Variants in USP28 observed in about 807,000 individuals in gnomAD.
USP28 encodes the protein ubiquitin carboxyl-terminal hydrolase 28.
Under a neutral mutation model 145.0 loss-of-function variants are expected in USP28, and 113 were observed. The ratio of observed to expected loss-of-function variants is 0.78; its 90% CI spans 0.67 to 0.91. The LOEUF is 0.91. USP28 is among the 40% of genes least tolerant of loss of function. The probability of loss-of-function intolerance (pLI) is 0.00; values close to 1 mark genes in which losing one functional copy is unlikely to be tolerated. For synonymous variants in USP28, 447 were observed against 450.9 expected (o/e 0.99, Z 0.11); for missense variants, 1,201 against 1,289.6 (o/e 0.93, Z 1.05).
chr11:113,855,186 T>C (rs1946915080), intron 1 of USP28, among the ~76,000 whole-genome samples: 1 of 152,228 alleles, frequency 6.6e-6, no homozygotes, highest in Non-Finnish European at 1.5e-5. Context: ...GTATGAAATG[T>C]TTTCTCTTCA....
At chr11:113,861,481 C>T (rs1181797378) in intron 1 of USP28, among the ~76,000 whole-genome samples, 1 of 152,028 alleles carries the variant, frequency 6.6e-6, no homozygotes, top group African/African-American at 2.4e-5. Flanking sequence ...TAAAATTTAG[C>T]CACTATTATA....
chr11:113,816,221 A>C (rs944325490), intron 13 of USP28, among the ~76,000 whole-genome samples: 3 of 152,176 alleles, frequency 2.0e-5, no homozygotes, highest in Non-Finnish European at 4.4e-5. Context: ...GACTTAAAAA[A>C]AAACTCTCAC....
chr11:113,809,253 C>T (rs766497853), exon 17 of USP28: 2 of 1,612,544 alleles, frequency 1.2e-6, no homozygotes, highest in South Asian at 2.2e-5. Context: ...TTGGGGCTGC[C>T]TCTGAGGAAA....
intron 16 of USP28, among the ~76,000 whole-genome samples, chr11:113,811,730 G>A (rs12286592): frequency 0.047 from 7,065 of 151,482 alleles, 506 homozygotes; most frequent in East Asian, 0.31. Flanking sequence ...TCCAAAGGGT[G>A]CAAAAATATA....
At chr11:113,865,462 C>T (rs896515949) in intron 1 of USP28, among the ~76,000 whole-genome samples, 2 of 152,118 alleles carry the variant, frequency 1.3e-5, no homozygotes, top group African/African-American at 2.4e-5. Flanking sequence ...TCCAAAGCTA[C>T]GGTTATCATA....
intron 12 of USP28, among the ~76,000 whole-genome samples, chr11:113,819,966 C>T (rs1003364995): frequency 1.4e-4 from 22 of 152,254 alleles, no homozygotes; most frequent in Admixed American, 3.9e-4. Context: ...TGATCCACCG[C>T]GCCCGGCCAG....
At chr11:113,809,351 C>T (rs1449181305) in intron 16 of USP28, 97 bp from the exon 17 acceptor site, 7 of 1,220,782 alleles carry the variant, frequency 5.7e-6, no homozygotes, top group Non-Finnish European at 8.1e-6. Flanking sequence ...TATCTTACTC[C>T]TAACTAAAAA....
At chr11:113,873,028 G>A (rs534767987) in intron 1 of USP28, among the ~76,000 whole-genome samples, 91 of 152,324 alleles carry the variant, frequency 6.0e-4, no homozygotes, top group Non-Finnish European at 1.0e-3. Context: ...TAAGGGAAGG[G>A]AAGCAGTCTA....
chr11:113,875,366 C>A, intron 1 of USP28, 79 bp downstream of exon 1: 4 of 1,116,490 alleles, frequency 3.6e-6, no homozygotes, highest in South Asian at 4.1e-5. Context: ...GCCCGCAACC[C>A]GCAGCCCTGC....
chr11:113,819,839 C>T (rs1942337149), intron 12 of USP28, among the ~76,000 whole-genome samples: 1 of 152,186 alleles, frequency 6.6e-6, no homozygotes, highest in African/African-American at 2.4e-5. Context: ...CCTGCCTCAG[C>T]CTCCCGAGTA....
chr11:113,857,264 A>G (rs1947154285), intron 1 of USP28, among the ~76,000 whole-genome samples: 1 of 152,206 alleles, frequency 6.6e-6, no homozygotes, highest in Non-Finnish European at 1.5e-5. Context: ...AACAAAACTT[A>G]ACACAGCATA....
In USP28 at chr11:113,813,872, A is replaced by G; in HGVS notation, c.1743+13T>C. The G allele has an allele frequency of 1.9e-6, 3 of 1,610,410 alleles. No individual in the cohort carries two copies. On this transcript the variant is annotated intron_variant, in intron 15 of 24. Transcript: ENST00000003302. ...ACATGCCTTGACTACTTTCCCATCA[A>G]TTTTCATTCTACCTGACGAAGGAGA...
chr11:113,858,526 T>C (rs1465225130), intron 1 of USP28, among the ~76,000 whole-genome samples: 1 of 152,230 alleles, frequency 6.6e-6, no homozygotes, highest in Non-Finnish European at 1.5e-5. Flanking sequence ...ATCTCCCATG[T>C]TAAGGAAATG....
chr11:113,804,795 A>G, intron 20 of USP28, 44 bp from the exon 22 acceptor site: 9 of 1,611,950 alleles, frequency 5.6e-6, no homozygotes, highest in Non-Finnish European at 7.6e-6. Context: ...GGCACAGGGC[A>G]AAACTTCCCC....
intron 15 of USP28, 192 bp downstream of exon 15, chr11:113,813,693 T>C: frequency 1.7e-6 from 1 of 588,002 alleles, no homozygotes; most frequent in Admixed American, 3.3e-5. Context: ...TGTTAGGTCC[T>C]GTTTTTGGTA....
chr11:113,817,635 T>TAAA, intron 13 of USP28, 23 bp downstream of exon 13: 1 of 1,370,082 alleles, frequency 7.3e-7, no homozygotes, highest in Non-Finnish European at 1.0e-6. Context: ...TACATACCAT[T>TAAA]AAAAAAAAAA....
Position 113,868,711 on chromosome 11 carries a change from G to A in USP28, c.57+6734C>T, listed in dbSNP as rs377532763. Among the ~76,000 whole-genome samples the A allele has an allele frequency of 9.2e-5, 14 of 151,974 alleles. No individual in the cohort carries two copies. The South Asian group carries it at 1.9e-3, about 20-fold the overall frequency. On this transcript the variant is annotated intron_variant, in intron 1 of 24. Transcript: ENST00000003302. ...TCAGGCGGGAGGATCACTGGAGCGC[G>A]GGAGTTCAAAACCAGCCTGGGCAAC... is the stretch of plus-strand genomic sequence containing the variant.
At chr11:113,872,442 G>T (rs1351258560) in intron 1 of USP28, among the ~76,000 whole-genome samples, 1 of 151,122 alleles carries the variant, frequency 6.6e-6, no homozygotes, top group Non-Finnish European at 1.5e-5. Flanking sequence ...AGCAGAGATC[G>T]CGCCACTGCA....
chr11:113,827,474 T>C (rs1943511490), intron 10 of USP28, 114 bp from the exon 11 acceptor site: 7 of 1,137,374 alleles, frequency 6.2e-6, no homozygotes, highest in Non-Finnish European at 8.3e-6. Context: ...GAACTTATAC[T>C]CAAGGCAAAC....
Sources: gnomAD v4.1 joint callset for allele counts (sites outside exome capture counted in the v4.1 genomes callset) on GRCh38, gnomAD v4.1.1 for gene constraint, MANE v1.5 for transcripts, NCBI Gene and HGNC (gene_info 2026-07-23, HGNC 2026-07-21) for gene names.